Variants in L3MBTL4 observed in about 807,000 individuals in gnomAD.
L3MBTL4 encodes the protein L3MBTL histone methyl-lysine binding protein 4.
A neutral mutation model predicts 84.5 loss-of-function variants in L3MBTL4; 70 were observed. That is an observed-to-expected ratio of 0.83 (90% CI 0.68 to 1.01). The LOEUF (loss-of-function observed/expected upper bound fraction) is 1.01. Among genes scored for constraint, L3MBTL4 ranks in the 50% least tolerant of loss-of-function variants. The pLI is 0.00. For synonymous variants in L3MBTL4, 274 were observed against 259.8 expected, an observed-to-expected ratio of 1.05 and a Z score of -0.52; for missense variants, 715 against 754.8, an observed-to-expected ratio of 0.95 and a Z score of 0.62.
chr18:6,308,063 C>A (rs343240), intron 3 of L3MBTL4, among the ~76,000 whole-genome samples: 1 of 151,956 alleles, frequency 6.6e-6, no homozygotes, highest in Non-Finnish European at 1.5e-5. Flanking sequence ...CCAATCACCA[C>A]GTGCCTACTT....
chr18:6,236,931 C>T lies in L3MBTL4; in HGVS notation c.784+1033G>A, dbSNP rs560284474. ...GTATGAATCATTTGAATCAAAACAA[C>T]ATTTGTTCCATTCTGGAATGGCACA... On this transcript the variant is annotated intron_variant, in intron 10 of 18. Coordinates refer to ENST00000317931, the MANE Select transcript of L3MBTL4 (RefSeq NM_001330559.2). Among the ~76,000 whole-genome samples the T allele has an allele frequency of 2.0e-5, 3 of 152,190 alleles. No homozygotes were observed. In the South Asian group the frequency reaches 6.2e-4, roughly 32 times the overall value.
intron 13 of L3MBTL4, among the ~76,000 whole-genome samples, chr18:6,169,057 A>C (rs1360555030): frequency 6.6e-6 from 1 of 152,250 alleles, no homozygotes; most frequent in African/African-American, 2.4e-5. Flanking sequence ...ACATTTATGC[A>C]GCCAAAAAAC....
chr18:6,405,135 C>T (rs1171180034), intron 1 of L3MBTL4, among the ~76,000 whole-genome samples: 1 of 152,196 alleles, frequency 6.6e-6, no homozygotes, highest in Non-Finnish European at 1.5e-5. Context: ...AGTATAACAC[C>T]CAACTAGGAC....
In L3MBTL4 at chr18:6,188,742, T is replaced by C. The variant is rs567134375; in HGVS notation, c.982-16800A>G. Among the ~76,000 whole-genome samples, 24 of 152,308 alleles carry C rather than the reference T, an allele frequency of 1.6e-4. No homozygotes were observed. The East Asian group carries it at 2.7e-3, about 17-fold the overall frequency. ...TGAGATCTGCCGAAACCCCAGACCC[T>C]GAGCTGGCTGTCATTGAGTGCTTAC... On this transcript the variant is annotated intron_variant, in intron 12 of 18. Transcript: ENST00000317931.
chr18:6,300,585 C>T (rs1428990932), intron 4 of L3MBTL4, among the ~76,000 whole-genome samples: 1 of 152,030 alleles, frequency 6.6e-6, no homozygotes, highest in Non-Finnish European at 1.5e-5. Context: ...GTAATGAAAC[C>T]GTAAATACTA....
At chr18:6,150,032 C>T (rs888472175) in intron 13 of L3MBTL4, among the ~76,000 whole-genome samples, 53 of 152,100 alleles carry the variant, frequency 3.5e-4, no homozygotes, top group African/African-American at 1.0e-3. Context: ...ATCCAGGTAG[C>T]TTATGAATTG....
At chr18:6,233,743 C>T (rs760698203) in intron 10 of L3MBTL4, among the ~76,000 whole-genome samples, 4 of 152,084 alleles carry the variant, frequency 2.6e-5, no homozygotes, top group Admixed American at 2.0e-4. Flanking sequence ...CATACTGCCC[C>T]AGGTAATTTA....
At chr18:6,312,961 T>C (rs1244374559) in intron 1 of L3MBTL4, among the ~76,000 whole-genome samples, 3 of 152,166 alleles carry the variant, frequency 2.0e-5, no homozygotes, top group South Asian at 2.1e-4. Context: ...TTTCAACTTA[T>C]CTAATTTGAA....
In L3MBTL4 at chr18:6,302,003, T is replaced by G. The variant is rs1231621754; in HGVS notation, c.73-46A>C. 5 of 1,420,782 alleles carry G rather than the reference T, an allele frequency of 3.5e-6. No individual in the cohort carries two copies. In the Admixed American group the frequency reaches 8.4e-5, roughly 24 times the overall value. 88.0% of individuals were successfully genotyped at this position (1,420,782 alleles called of 1,614,324 possible). A position where few individuals can be genotyped will look rare whatever the true frequency, so the allele number is the denominator to read the frequency against. On this transcript the variant is annotated intron_variant, in intron 3 of 18. Transcript: ENST00000317931. Reference sequence around the variant, plus strand: ...TTTAGATGGTATTGCTGGATAATTGTTGGAAACACTGAAAACTAATGTTCC... The same window carrying G: ...TTTAGATGGTATTGCTGGATAATTGGTGGAAACACTGAAAACTAATGTTCC...
intron 12 of L3MBTL4, among the ~76,000 whole-genome samples, chr18:6,200,811 A>T (rs560525591): frequency 6.6e-6 from 1 of 152,228 alleles, no homozygotes; most frequent in Non-Finnish European, 1.5e-5. Context: ...AATGAATTCA[A>T]TTTTCTATGT....
intron 9 of L3MBTL4, 44 bp from the exon 10 acceptor site, chr18:6,238,084 C>A (rs2047291989): frequency 3.9e-6 from 6 of 1,521,870 alleles, no homozygotes; most frequent in Non-Finnish European, 5.5e-6. Context: ...TTACTTCATG[C>A]CAGAGAAAGA....
intron 4 of L3MBTL4, among the ~76,000 whole-genome samples, chr18:6,283,413 G>A (rs67057280): frequency 0.18 from 26,897 of 152,116 alleles, 2,445 homozygotes; most frequent in East Asian, 0.23. Flanking sequence ...TAAAGGTTTA[G>A]ACTTCAACTC....
chr18:6,106,455 T>C (rs2059010666), intron 14 of L3MBTL4, among the ~76,000 whole-genome samples: 1 of 152,174 alleles, frequency 6.6e-6, no homozygotes, highest in South Asian at 2.1e-4. Flanking sequence ...ATGTACTGAG[T>C]TGCTGCAAGA....
chr18:6,163,905 A>T (rs537262984), intron 13 of L3MBTL4, among the ~76,000 whole-genome samples: 11 of 152,354 alleles, frequency 7.2e-5, no homozygotes, highest in Non-Finnish European at 1.6e-4. Flanking sequence ...GGGAAGCACA[A>T]GGGGTCAGGG....
At chr18:6,322,513 A>AC (rs2051476472) in intron 1 of L3MBTL4, among the ~76,000 whole-genome samples, 1 of 134,532 alleles carries the variant, frequency 7.4e-6, no homozygotes, top group African/African-American at 2.7e-5. Context: ...AAAGAAGGAA[A>AC]AAAAAAACAA....
At chr18:6,133,965 C>T (rs1461459342) in intron 14 of L3MBTL4, among the ~76,000 whole-genome samples, 1 of 152,148 alleles carries the variant, frequency 6.6e-6, no homozygotes, top group Non-Finnish European at 1.5e-5. Flanking sequence ...ACACATTGTG[C>T]ATATGGCCTG....
At chr18:6,150,144 A>C (rs1205230183) in intron 13 of L3MBTL4, among the ~76,000 whole-genome samples, 4 of 152,170 alleles carry the variant, frequency 2.6e-5, no homozygotes, top group Non-Finnish European at 5.9e-5. Context: ...CAATTTTCGG[A>C]CTAAAAATGT....
rs577447698 is a variant in L3MBTL4 at position 6,006,299 on chromosome 18, G to A, written c.1445-36737C>T. On this transcript the variant is annotated intron_variant, in intron 16 of 18. Coordinates refer to ENST00000317931, the MANE Select transcript of L3MBTL4 (RefSeq NM_001330559.2). ...GTTCAAGAACATGAGTTCCGACAAT[G>A]GAGAACACTGGAGAAAAAAGGGAGG... Among the ~76,000 whole-genome samples the A allele has an allele frequency of 6.1e-4, 93 of 152,272 alleles. 1 individual carries two copies. The highest frequency in any genetic ancestry group is 2.1e-3 in the African/African-American group (88 of 41,564).
At chr18:6,066,879 T>C (rs1278992945) in intron 16 of L3MBTL4, among the ~76,000 whole-genome samples, 2 of 152,002 alleles carry the variant, frequency 1.3e-5, no homozygotes, top group Admixed American at 6.6e-5. Context: ...AGATGTGAGG[T>C]ACTGTTCTAG....
Sources: allele counts gnomAD v4.1 joint callset (sites outside exome capture counted in the v4.1 genomes callset), GRCh38; gene constraint gnomAD v4.1.1; transcripts MANE v1.5; gene names NCBI Gene and HGNC (gene_info 2026-07-23, HGNC 2026-07-21).